ARMCX4: variants seen among roughly 807,000 people sequenced by gnomAD.
ARMCX4 encodes the protein armadillo repeat-containing X-linked protein 4.
Under a neutral mutation model 34.7 loss-of-function variants are expected in ARMCX4, and 3 were observed. That is an observed-to-expected ratio of 0.09 (90% CI 0.04 to 0.22). The LOEUF (loss-of-function observed/expected upper bound fraction) is 0.22, where lower values mean the gene tolerates loss of function less well. Ranked by LOEUF, ARMCX4 falls within the 10% of genes least tolerant of loss-of-function variation. ARMCX4 has a pLI of 1.00. For synonymous variants in ARMCX4, 513 were observed against 632.8 expected (o/e 0.81, Z 2.84); for missense variants, 1,448 against 1,720.8 (o/e 0.84, Z 2.81).
At chrX:101,433,384 G>T (rs1224169051) in intron 2 of ARMCX4, among the ~76,000 whole-genome samples, 1 of 108,595 alleles carries the variant, frequency 9.2e-6, no homozygotes, top group Non-Finnish European at 1.9e-5. Flanking sequence ...GTACATATAT[G>T]TACATATATA....
upstream of ARMCX4, among the ~76,000 whole-genome samples, chrX:101,483,196 G>A (rs782328254): frequency 2.8e-5 from 3 of 108,965 alleles, no homozygotes; most frequent in South Asian, 7.9e-4. Flanking sequence ...GCCCGGCTGC[G>A]TCAGTTTTTT....
chrX:101,509,343 T>C (rs782367602), intron 8 of ARMCX4: 5 of 111,662 alleles, frequency 4.5e-5, no homozygotes, highest in Non-Finnish European at 9.4e-5. Context: ...TCTTGGTTTA[T>C]GCTCTCTTTT....
At chrX:101,511,046 A>G (rs1362055253) in exon 11 of ARMCX4, 10 of 111,718 alleles carry the variant, frequency 9.0e-5, no homozygotes, top group Admixed American at 8.6e-4. Context: ...AAGAAAAATC[A>G]TGATATTAAG....
downstream of ARMCX4, among the ~76,000 whole-genome samples, chrX:101,497,154 A>G (rs868910352): frequency 8.9e-6 from 1 of 112,161 alleles, no homozygotes; most frequent in African/African-American, 3.2e-5. Flanking sequence ...TATCTAAATT[A>G]TCTTGCTACA....
chrX:101,434,157 G>C (rs1459956290), intron 2 of ARMCX4, among the ~76,000 whole-genome samples: 3 of 110,182 alleles, frequency 2.7e-5, no homozygotes, highest in Non-Finnish European at 5.7e-5. Context: ...ATGTTGCCCA[G>C]GCTGATCTTG....
At chrX:101,446,120 A>T (rs1555997980) in exon 4 of ARMCX4, 2 of 111,743 alleles carry the variant, frequency 1.8e-5, no homozygotes, top group African/African-American at 6.5e-5. Flanking sequence ...TTCTCAATTG[A>T]TATTTTTTTT....
At chrX:101,517,148 A>G (rs1265787042) in intron 11 of ARMCX4, among the ~76,000 whole-genome samples, 1 of 111,750 alleles carries the variant, frequency 8.9e-6, no homozygotes, top group Non-Finnish European at 1.9e-5. Context: ...TCATATTCAA[A>G]GGCAACCTAA....
intron 4 of ARMCX4, among the ~76,000 whole-genome samples, chrX:101,479,502 A>G (rs1933349337): frequency 9.6e-6 from 1 of 103,952 alleles, no homozygotes; most frequent in Non-Finnish European, 2.0e-5. Flanking sequence ...TTTTTTTGAG[A>G]CAGAGTCTTA....
In ARMCX4 at chrX:101,488,048, T is replaced by C. The variant is rs1034532171; in HGVS notation, c.-198T>C. ...GAATTTATGTATCTACTTTAGGGTG[T>C]ACTGCCAAGAGAAGCAAGAGGAGAG... On this transcript the variant is annotated 5_prime_UTR_variant, in exon 5 of 6. Coordinates refer to ENST00000423738, the MANE Select transcript of ARMCX4 (RefSeq NM_001256155.3). The C allele has an allele frequency of 1.1e-6, 1 of 942,243 alleles. No homozygotes were observed. The allele number at this position is 942,243 out of a possible 1,213,427, so 77.7% of individuals were successfully genotyped here. A position where few individuals can be genotyped will look rare whatever the true frequency, so the allele number is the denominator to read the frequency against.
chrX:101,428,872 CTTT>C (rs57998955), intron 2 of ARMCX4, among the ~76,000 whole-genome samples: 3 of 66,251 alleles, frequency 4.5e-5, no homozygotes, highest in Non-Finnish European at 3.0e-5. Flanking sequence ...ATTTCTTTTC[CTTT>C]TTTTTTTTTT....
intron 11 of ARMCX4, among the ~76,000 whole-genome samples, chrX:101,517,279 A>C (rs782756388): frequency 8.0e-5 from 9 of 112,602 alleles, no homozygotes; most frequent in Non-Finnish European, 1.1e-4. Flanking sequence ...TAAATAAATA[A>C]TATTGCTGTG....
intron 4 of ARMCX4, among the ~76,000 whole-genome samples, chrX:101,475,025 A>G (rs1428672122): frequency 9.1e-6 from 1 of 109,646 alleles, no homozygotes; most frequent in Non-Finnish European, 1.9e-5. Flanking sequence ...ACTGCTTGGT[A>G]GGTCCAGGCA....
Position 101,503,858 on chromosome X carries a change from G to A in ARMCX4, c.*1178-1079G>A, listed in dbSNP as rs868960761. The stretch of plus-strand genomic sequence containing the variant: ...TTGGTGTTTTAGACATGAAGTCCTT[G>A]CCCATGCCTATGTCCTGAATGGTAA... On this transcript the variant is annotated intron_variant and NMD_transcript_variant, in intron 7 of 12. Coordinates refer to the ARMCX4 transcript ENST00000354842. Among the ~76,000 whole-genome samples the A allele has an allele frequency of 2.3e-3, 255 of 110,721 alleles. 1 individual carries two copies. Among genetic ancestry groups the A allele is most frequent in the African/African-American group, 7.6e-3 (232 of 30,353 alleles).
In ARMCX4 at chrX:101,494,291, G is replaced by A. The variant is rs1556011157; in HGVS notation, c.5702G>A (p.Arg1901Lys). ...CCTGATATTGAGGAGATCAGTTTAA[G>A]GTCTTTGTTTTGGGCTGAGAGTGAG... ...SSPDIEEISL[R>K]SLFWAESENS... is the part of the protein sequence containing the mutation. Residue 1901 changes from arginine (R) to lysine (K), a missense_variant, in exon 6 of 6, where the codon AGG becomes AAG. Arg to Lys is a conservative substitution (Grantham distance 26). Around this residue, in one of 2 missense-constraint regions of ARMCX4, gnomAD observed 1,343 missense variants for 1,540.7 expected, o/e 0.87. Transcript: ENST00000423738. 8.7e-7 allele frequency: 1 copy of A among 1,153,393 alleles called. No individual in the cohort carries two copies. Among genetic ancestry groups the A allele is most frequent in the African/African-American group, 1.8e-5 (1 of 55,425 alleles).
intron 8 of ARMCX4, among the ~76,000 whole-genome samples, chrX:101,508,134 T>C (rs782260337): frequency 8.9e-6 from 1 of 112,476 alleles, no homozygotes; most frequent in East Asian, 2.8e-4. Flanking sequence ...GGCTATATCA[T>C]CTAGGTTTGT....
At chrX:101,479,571 C>T (rs1208484201) in intron 4 of ARMCX4, among the ~76,000 whole-genome samples, 5 of 108,561 alleles carry the variant, frequency 4.6e-5, no homozygotes. Flanking sequence ...ACTTCCACCT[C>T]CAGGGTTCAA....
chrX:101,439,490 G>A (rs1168226083), intron 2 of ARMCX4, among the ~76,000 whole-genome samples: 5 of 111,165 alleles, frequency 4.5e-5, no homozygotes, highest in African/African-American at 6.5e-5. Flanking sequence ...TCTTTGTGGC[G>A]TTCTCTGTAT....
chrX:101,471,332 T>C (rs12558983), intron 4 of ARMCX4, among the ~76,000 whole-genome samples: 33,040 of 111,033 alleles, frequency 0.3, 3,557 homozygotes, highest in East Asian at 0.54. Flanking sequence ...ATTTCAACTT[T>C]CAATTTTCTC....
chrX:101,442,611 G>A (rs1297469119), intron 2 of ARMCX4, among the ~76,000 whole-genome samples: 2 of 111,692 alleles, frequency 1.8e-5, no homozygotes, highest in Non-Finnish European at 3.8e-5. Context: ...GAAGAGATAT[G>A]TTTTAAGAAT....
Sources: allele counts gnomAD v4.1 joint callset (sites outside exome capture counted in the v4.1 genomes callset), GRCh38; gene constraint gnomAD v4.1.1; regional missense constraint gnomAD v4.1.1; transcripts MANE v1.5; gene names NCBI Gene and HGNC (gene_info 2026-07-23, HGNC 2026-07-21).